Variants in TUSC3 observed in about 807,000 individuals in gnomAD.
TUSC3 encodes dolichyl-diphosphooligosaccharide--protein glycosyltransferase subunit TUSC3.
A neutral mutation model predicts 44.8 loss-of-function variants in TUSC3; 45 were observed. The observed-to-expected ratio is 1.00, with a 90% CI of 0.79 to 1.29. The LOEUF (loss-of-function observed/expected upper bound fraction) is 1.29. Among genes scored for constraint, TUSC3 ranks in the 50% most tolerant of loss-of-function variants. The pLI, the probability that TUSC3 is intolerant of heterozygous loss-of-function variation, is 0.00. For synonymous variants in TUSC3, 212 were observed against 152.9 expected (o/e 1.39, Z -2.85); for missense variants, 519 against 437.9 (o/e 1.19, Z -1.65).
intron 2 of TUSC3, among the ~76,000 whole-genome samples, chr8:15,500,673 C>A (rs1800950059): frequency 6.6e-6 from 1 of 152,104 alleles, no homozygotes; most frequent in African/African-American, 2.4e-5. Context: ...CCCTAAAACA[C>A]TCAGTAAAAA....
chr8:15,555,921 A>G (rs756743906), intron 1 of TUSC3, among the ~76,000 whole-genome samples: 11 of 151,658 alleles, frequency 7.3e-5, no homozygotes, highest in Non-Finnish European at 1.5e-4. Flanking sequence ...AAATATATCA[A>G]TAATGTATGC....
intron 1 of TUSC3, among the ~76,000 whole-genome samples, chr8:15,440,293 G>T (rs959494946): frequency 5.3e-5 from 8 of 152,152 alleles, no homozygotes; most frequent in Non-Finnish European, 1.2e-4. Flanking sequence ...GAGTATGACA[G>T]ATCCAACAAA....
intron 1 of TUSC3, among the ~76,000 whole-genome samples, chr8:15,468,579 T>C (rs914794144): frequency 2.0e-5 from 3 of 152,142 alleles, no homozygotes; most frequent in African/African-American, 7.2e-5. Flanking sequence ...TACCCTTAAA[T>C]TTAGATCTGA....
rs559974308 is a variant in TUSC3, at chr8:15,664,569, C to G, written c.708+2273C>G. Reference sequence around the variant, plus strand: ...AGATACCTTGGCAGGTATGCCTGCTCCCCAATCACAGCCTTTTAGAAGTCA... The same window carrying G: ...AGATACCTTGGCAGGTATGCCTGCTGCCCAATCACAGCCTTTTAGAAGTCA... On this transcript the variant is annotated intron_variant, in intron 5 of 10. Transcript: ENST00000503731. 8.8e-4 allele frequency among the ~76,000 whole-genome samples: 131 copies of G among 149,346 alleles called. 1 individual carries two copies. The highest frequency in any genetic ancestry group is 3.0e-3 in the African/African-American group (125 of 41,154).
chr8:15,679,319 C>G (rs1047344372), intron 6 of TUSC3, among the ~76,000 whole-genome samples: 13 of 151,800 alleles, frequency 8.6e-5, no homozygotes, highest in Admixed American at 3.3e-4. Context: ...GAAATGGTGT[C>G]TCATTGTAGT....
chr8:15,463,383 A>G (rs1800372909), intron 1 of TUSC3, among the ~76,000 whole-genome samples: 1 of 152,190 alleles, frequency 6.6e-6, no homozygotes, highest in Non-Finnish European at 1.5e-5. Context: ...AATAGTCTCA[A>G]CATAAACATG....
chr8:15,646,181 GT>G (rs1806621366), intron 2 of TUSC3, among the ~76,000 whole-genome samples: 1 of 152,134 alleles, frequency 6.6e-6, no homozygotes, highest in Non-Finnish European at 1.5e-5. Context: ...AAGAGAGGCA[GT>G]TTTTGAGCAA....
intron 1 of TUSC3, among the ~76,000 whole-genome samples, chr8:15,543,336 G>T (rs1801752436): frequency 6.6e-6 from 1 of 152,112 alleles, no homozygotes; most frequent in Admixed American, 6.5e-5. Context: ...CTTAAGTTGA[G>T]CCTGCAATCA....
intron 6 of TUSC3, among the ~76,000 whole-genome samples, chr8:15,729,024 A>G (rs558140845): frequency 1.8e-4 from 28 of 152,286 alleles, no homozygotes; most frequent in Middle Eastern, 3.4e-3. Context: ...TGACCTTGAC[A>G]AAAGATTGAT....
At chr8:15,669,813 AC>A (rs1807861833) in intron 5 of TUSC3, among the ~76,000 whole-genome samples, 1 of 151,718 alleles carries the variant, frequency 6.6e-6, no homozygotes, top group African/African-American at 2.4e-5. Flanking sequence ...TTTTACTGGG[AC>A]CCTGAGCATT....
the TUSC3 span, among the ~76,000 whole-genome samples, chr8:15,843,916 G>T: frequency 6.6e-6 from 1 of 152,096 alleles, no homozygotes; most frequent in Non-Finnish European, 1.5e-5. Flanking sequence ...ACCTTAAGCT[G>T]TATTTGTAGC....
At chr8:15,786,922 C>A in the TUSC3 span, among the ~76,000 whole-genome samples, 1 of 111,316 alleles carries the variant, frequency 9.0e-6, no homozygotes, top group Non-Finnish European at 1.7e-5. Context: ...CCAGCCTGGG[C>A]AACAGAGGGA....
At chr8:15,797,629 CCT>C in the TUSC3 span, among the ~76,000 whole-genome samples, 1 of 152,188 alleles carries the variant, frequency 6.6e-6, no homozygotes, top group African/African-American at 2.4e-5. Context: ...TAAATCCTGA[CCT>C]GCTCCTTGTG....
chr8:15,759,862 C>T (rs1368729187), intron 10 of TUSC3, among the ~76,000 whole-genome samples: 1 of 152,104 alleles, frequency 6.6e-6, no homozygotes, highest in African/African-American at 2.4e-5. Flanking sequence ...TCTCTTTCTC[C>T]ACCCCTTTTC....
chr8:15,801,136 C>G, the TUSC3 span, among the ~76,000 whole-genome samples: 4 of 152,162 alleles, frequency 2.6e-5, no homozygotes, highest in African/African-American at 4.8e-5. Flanking sequence ...AGAGCACCCA[C>G]AAGGGTTGCT....
At chr8:15,834,840 G>A in the TUSC3 span, among the ~76,000 whole-genome samples, 1 of 152,116 alleles carries the variant, frequency 6.6e-6, no homozygotes, top group Non-Finnish European at 1.5e-5. Flanking sequence ...TTACAGTAAG[G>A]TTTATTTATA....
intron 1 of TUSC3, among the ~76,000 whole-genome samples, chr8:15,420,169 A>C (rs906329128): frequency 6.6e-6 from 1 of 152,122 alleles, no homozygotes; most frequent in Non-Finnish European, 1.5e-5. Flanking sequence ...TTTTGGTGAC[A>C]TATCATTGGC....
chr8:15,841,489 G>T, the TUSC3 span, among the ~76,000 whole-genome samples: 32 of 152,004 alleles, frequency 2.1e-4, no homozygotes, highest in Middle Eastern at 3.4e-3. Context: ...ATAATGCAAA[G>T]AATTAATCTT....
intron 2 of TUSC3, among the ~76,000 whole-genome samples, chr8:15,521,572 AG>A (rs2129129458): frequency 6.6e-6 from 1 of 152,234 alleles, no homozygotes; most frequent in East Asian, 1.9e-4. Flanking sequence ...AATTCTCTTG[AG>A]CCACACATAA....
Sources: allele counts gnomAD v4.1 joint callset (sites outside exome capture counted in the v4.1 genomes callset), GRCh38; gene constraint gnomAD v4.1.1; transcripts MANE v1.5; gene names NCBI Gene and HGNC (gene_info 2026-07-23, HGNC 2026-07-21).